The following ARHGEF10 variants were observed in gnomAD, a reference collection of about 807,000 sequenced individuals.
ARHGEF10 encodes Rho guanine nucleotide exchange factor (GEF) 10.
A neutral mutation model predicts 147.4 loss-of-function variants in ARHGEF10; 140 were observed. That is an observed-to-expected ratio of 0.95 (90% CI 0.83 to 1.09). The LOEUF is 1.09. Among genes scored for constraint, ARHGEF10 ranks in the 50% least tolerant of loss-of-function variants. The pLI is 0.00. For synonymous variants in ARHGEF10, 902 were observed against 695.8 expected (o/e 1.30, Z -4.67); for missense variants, 2,222 against 1,752.7 (o/e 1.27, Z -4.78).
intron 13 of ARHGEF10, 37 bp downstream of exon 13, chr8:1,894,609 C>T (rs372856868): frequency 2.1e-5 from 34 of 1,604,118 alleles, no homozygotes; most frequent in Non-Finnish European, 2.8e-5. Flanking sequence ...CCATGGGGCT[C>T]TCCATGCACC....
intron 18 of ARHGEF10, 50 bp from the exon 19 acceptor site, chr8:1,922,914 A>C: frequency 7.4e-7 from 1 of 1,348,700 alleles, no homozygotes; most frequent in East Asian, 2.3e-5. Context: ...ATTGGAGTAA[A>C]TATGGCTTTA....
chr8:1,903,583 G>T, intron 16 of ARHGEF10, 132 bp downstream of exon 16: 3 of 1,169,236 alleles, frequency 2.6e-6, no homozygotes, highest in Non-Finnish European at 2.5e-6. Context: ...CTTAACCGGG[G>T]TGGATGGAGG....
At chr8:1,866,993 G>C (rs1806679962) in intron 6 of ARHGEF10, among the ~76,000 whole-genome samples, 1 of 150,854 alleles carries the variant, frequency 6.6e-6, no homozygotes, top group East Asian at 1.9e-4. Flanking sequence ...CACCCGTTTT[G>C]AAGAGGGGGC....
At chr8:1,880,326 G>T (rs1053279094) in intron 9 of ARHGEF10, among the ~76,000 whole-genome samples, 162 bp downstream of exon 9, 1 of 152,172 alleles carries the variant, frequency 6.6e-6, no homozygotes, top group Admixed American at 6.5e-5. Flanking sequence ...ACTCTGAGAC[G>T]CTCTGTGCCT....
chr8:1,832,917 G>A lies in ARHGEF10; in HGVS notation c.-48+8804G>A, dbSNP rs531268043. On this transcript the variant is annotated intron_variant, in intron 1 of 28. Coordinates refer to ENST00000349830, the MANE Select transcript of ARHGEF10 (RefSeq NM_014629.4). ...ACGCAGAGACAGAGAGACAGACAGAGGCAGAGACAGAGGCAGAGACAGAAG... is the reference window on the plus strand; with the variant it reads ...ACGCAGAGACAGAGAGACAGACAGAAGCAGAGACAGAGGCAGAGACAGAAG... Among the ~76,000 whole-genome samples the A allele has an allele frequency of 5.1e-4, 56 of 109,318 alleles. 14 individuals are homozygous for A. Among genetic ancestry groups the A allele is most frequent in the Non-Finnish European group, 7.4e-4 (38 of 51,252 alleles). The allele number at this position is 109,318 out of a possible 152,430, so 71.7% of individuals were successfully genotyped here.
At chr8:1,853,102 T>C (rs1362453238) in intron 2 of ARHGEF10, among the ~76,000 whole-genome samples, 1 of 148,714 alleles carries the variant, frequency 6.7e-6, no homozygotes, top group Admixed American at 6.7e-5. Flanking sequence ...TGGTTAGATT[T>C]GGGCTGGATG....
rs750713444 is a variant in ARHGEF10, at chr8:1,923,809, A to G, written c.2423A>G (p.Asn808Ser). The G allele has an allele frequency of 2.5e-6, 4 of 1,614,124 alleles. No homozygotes were observed. The highest frequency in any genetic ancestry group is 1.1e-5 in the South Asian group (1 of 91,082). Reference protein sequence around the residue: ...GRPTFFTAVFNTFTPAIKESW... With the variant: ...GRPTFFTAVFSTFTPAIKESW... ...CCGACGTTCTTTACAGCTGTGTTCAATACGTTCACCCCTGCCATCAAGGAG... is the reference window on the plus strand; with the variant it reads ...CCGACGTTCTTTACAGCTGTGTTCAGTACGTTCACCCCTGCCATCAAGGAG... The change falls in exon 21 of 29, where the codon AAT becomes AGT. Residue 808 changes from asparagine (N) to serine (S), a missense_variant. Physicochemically the swap from Asn to Ser is conservative, Grantham distance 46. Coordinates refer to ENST00000349830, the MANE Select transcript of ARHGEF10 (RefSeq NM_014629.4).
chr8:1,889,772 C>CCCTGAGTGGAGTGAGGGTTGCGAGGAG (rs1809270315), intron 11 of ARHGEF10, among the ~76,000 whole-genome samples: 1 of 133,142 alleles, frequency 7.5e-6, no homozygotes, highest in African/African-American at 3.2e-5. Context: ...TGTGAGGAGA[C>CCCTGAGTGGAGTGAGGGTTGCGAGGAG]ACTGAGTGGG....
At chr8:1,920,632 C>T (rs901969426) in intron 18 of ARHGEF10, among the ~76,000 whole-genome samples, 1 of 152,166 alleles carries the variant, frequency 6.6e-6, no homozygotes, top group Non-Finnish European at 1.5e-5. Flanking sequence ...CCAGCCTATA[C>T]TTGTGTTACA....
chr8:1,842,382 G>C (rs1264130616), intron 1 of ARHGEF10, among the ~76,000 whole-genome samples: 1 of 152,196 alleles, frequency 6.6e-6, no homozygotes, highest in Non-Finnish European at 1.5e-5. Flanking sequence ...TGGCGTCCTG[G>C]GTGTGTGTCA....
intron 17 of ARHGEF10, among the ~76,000 whole-genome samples, chr8:1,906,993 G>T (rs1810945697): frequency 6.6e-6 from 1 of 152,220 alleles, no homozygotes; most frequent in African/African-American, 2.4e-5. Context: ...CTTCACTGTG[G>T]ACGCCTGGCG....
At chr8:1,933,019 C>A (rs1441584681) in intron 25 of ARHGEF10, among the ~76,000 whole-genome samples, 1 of 152,092 alleles carries the variant, frequency 6.6e-6, no homozygotes. Flanking sequence ...GTAAATCTTG[C>A]CTCAAATAAT....
chr8:1,906,402 A>G (rs1435244965), intron 17 of ARHGEF10, among the ~76,000 whole-genome samples: 1 of 152,204 alleles, frequency 6.6e-6, no homozygotes, highest in African/African-American at 2.4e-5. Context: ...GCTTGAAGTC[A>G]TCCACACGGG....
At chr8:1,838,685 G>A (rs1478148755) in intron 1 of ARHGEF10, among the ~76,000 whole-genome samples, 1 of 152,280 alleles carries the variant, frequency 6.6e-6, no homozygotes, top group African/African-American at 2.4e-5. Flanking sequence ...CATGGGATCC[G>A]ATTGTCGGAA....
intron 28 of ARHGEF10, among the ~76,000 whole-genome samples, chr8:1,955,341 CTG>C (rs879647045): frequency 0.089 from 12,468 of 140,528 alleles, 44 homozygotes; most frequent in East Asian, 0.12. Context: ...GGTGCACTCA[CTG>C]TGTTTCTCTG....
Position 1,882,715 on chromosome 8 carries a change from C to T in ARHGEF10, c.1041C>T (p.Arg347=). 3.2e-6 allele frequency: 5 copies of T among 1,555,512 alleles called. No individual in the cohort carries two copies. The highest frequency in any genetic ancestry group is 4.4e-6 in the Non-Finnish European group (5 of 1,148,926). Residue 347 remains arginine, a synonymous_variant, in exon 10 of 29, where the codon CGC becomes CGT. Coordinates refer to ENST00000349830, the MANE Select transcript of ARHGEF10 (RefSeq NM_014629.4). ...ERTRAAVKRG[R]SFIRTKSLIA... ...CCAGGGCAGCCGTGAAGAGGGGCCG[C>T]TCCTTCATCAGGACCAAGTCTCTCA... is the stretch of plus-strand genomic sequence containing the variant.
intron 17 of ARHGEF10, 27 bp from the exon 18 acceptor site, chr8:1,909,268 A>C (rs768613720): frequency 4.3e-6 from 7 of 1,614,168 alleles, no homozygotes; most frequent in Admixed American, 1.7e-5. Context: ...AATTATTCGT[A>C]AAACAAGGAT....
chr8:1,858,706 T>C (rs1805807439), intron 3 of ARHGEF10: 1 of 157,450 alleles, frequency 6.4e-6, no homozygotes, highest in Admixed American at 6.3e-5. Flanking sequence ...GCCTGCACAG[T>C]GTTTCTTCCT....
intron 11 of ARHGEF10, 46 bp downstream of exon 11, chr8:1,885,753 G>A: frequency 7.0e-7 from 1 of 1,424,844 alleles, no homozygotes; most frequent in South Asian, 1.1e-5. Flanking sequence ...GCAGAGCTGT[G>A]CTAGTTTTTA....
Sources: allele counts gnomAD v4.1 joint callset (sites outside exome capture counted in the v4.1 genomes callset), GRCh38; gene constraint gnomAD v4.1.1; transcripts MANE v1.5; gene names NCBI Gene and HGNC (gene_info 2026-07-23, HGNC 2026-07-21).